The following OSBPL3 variants were observed in gnomAD, a reference collection of about 807,000 sequenced individuals.
OSBPL3 encodes oxysterol binding protein like 3, also known as oxysterol-binding protein-related protein 3.
A neutral mutation model predicts 120.1 loss-of-function variants in OSBPL3; 65 were observed. The ratio of observed to expected loss-of-function variants is 0.54; its 90% confidence interval spans 0.44 to 0.67. The LOEUF is 0.67. OSBPL3 is among the 30% of genes least tolerant of loss of function. OSBPL3 has a pLI of 0.00. For missense variants in OSBPL3, 1,004 were observed against 1,082.1 expected, an observed-to-expected ratio of 0.93 and a Z score of 1.01; for synonymous variants, 416 against 402.6, an observed-to-expected ratio of 1.03 and a Z score of -0.40.
chr7:24,834,065 A>G lies in OSBPL3; in HGVS notation c.1746+421T>C. ...TGGGACAATTCCAGAAATAAACACA[A>G]ACATTCTCAGGGGAAACTTACCCTG... On this transcript the variant is annotated intron_variant, in intron 15 of 22. Transcript: ENST00000313367. The surrounding 1 kb of genome is among the most constrained non-coding windows in gnomAD (Gnocchi z 5.2). The G allele has an allele frequency of 1.0e-6, 1 of 986,256 alleles. No homozygotes were observed. The highest frequency in any genetic ancestry group is 1.2e-6 in the Non-Finnish European group (1 of 829,140). 61.1% of individuals were successfully genotyped at this position (986,256 alleles called of 1,614,324 possible). A position where few individuals can be genotyped will look rare whatever the true frequency, so the allele number is the denominator to read the frequency against.
intron 1 of OSBPL3, among the ~76,000 whole-genome samples, chr7:24,963,994 C>A (rs1353302819): frequency 6.6e-6 from 1 of 151,986 alleles, no homozygotes; most frequent in Non-Finnish European, 1.5e-5. Flanking sequence ...GATACAGGAG[C>A]CAACCGAAAG....
intron 1 of OSBPL3, among the ~76,000 whole-genome samples, chr7:24,907,963 C>T (rs2128406362): frequency 6.6e-6 from 1 of 152,268 alleles, no homozygotes. Context: ...TTATTTATTC[C>T]CATAGGAGAC....
At position 24,817,034 on chromosome 7, in the gene OSBPL3, G is replaced by A. The variant is rs2128132716; in HGVS notation, c.1949-346C>T. ...AATATGCTTGGAGAAAGCATCAGAA[G>A]AGGCTTGTCAGAAAGGGCCATCTAA... On this transcript the variant is annotated intron_variant, in intron 17 of 22. Coordinates refer to ENST00000313367, the MANE Select transcript of OSBPL3 (RefSeq NM_015550.4). This position sits in a 1 kb window ranked among gnomAD's most constrained non-coding sequence, Gnocchi z 4.0. 6.6e-6 allele frequency among the ~76,000 whole-genome samples: 1 copy of A among 152,346 alleles called. No homozygotes were observed. Among genetic ancestry groups the A allele is most frequent in the African/African-American group, 2.4e-5 (1 of 41,584 alleles).
At chr7:24,810,391 C>G (rs1295907485) in intron 19 of OSBPL3, 2 of 154,438 alleles carry the variant, frequency 1.3e-5, no homozygotes, top group African/African-American at 4.8e-5. Flanking sequence ...GGTGTGGTAG[C>G]GCATGCCTGT....
rs772877393 is a variant in OSBPL3 at position 24,863,453 on chromosome 7, C to A, written c.777+43G>T. On this transcript the variant is annotated intron_variant, in intron 8 of 22. Coordinates refer to ENST00000313367, the MANE Select transcript of OSBPL3 (RefSeq NM_015550.4). This position sits in a 1 kb window ranked among gnomAD's most constrained non-coding sequence, Gnocchi z 5.8. Reference sequence around the variant, plus strand: ...GAAAGGCTGGGAGGAGAAAGGAAAGCAGAAGAGGGCCAGAATGTCAACAGA... The same window carrying A: ...GAAAGGCTGGGAGGAGAAAGGAAAGAAGAAGAGGGCCAGAATGTCAACAGA... The A allele has an allele frequency of 2.0e-6, 3 of 1,510,496 alleles. No individual in the cohort carries two copies. In the South Asian group the frequency reaches 3.4e-5, roughly 17 times the overall value. The allele number at this position is 1,510,496 out of a possible 1,614,324, so 93.6% of individuals were successfully genotyped here. A position where few individuals can be genotyped will look rare whatever the true frequency, so the allele number is the denominator to read the frequency against.
At chr7:24,954,373 A>G (rs1814793764) in intron 1 of OSBPL3, among the ~76,000 whole-genome samples, 1 of 152,242 alleles carries the variant, frequency 6.6e-6, no homozygotes, top group Admixed American at 6.5e-5. Context: ...AAATAGCTTT[A>G]AAAGTTCTAT....
rs1816424492 is a variant in OSBPL3 at position 24,966,728 on chromosome 7, C to T, written c.-150+13158G>A. On this transcript the variant is annotated intron_variant, in intron 1 of 22. Coordinates refer to ENST00000313367, the MANE Select transcript of OSBPL3 (RefSeq NM_015550.4). This position sits in a 1 kb window ranked among gnomAD's most constrained non-coding sequence, Gnocchi z 4.8. ...AACCTAATTAGGGTGGAGTTTTACA[C>T]TATGTTTGTGTATATGTATGTTTAT... Among the ~76,000 whole-genome samples the T allele has an allele frequency of 6.6e-6, 1 of 152,164 alleles. No homozygotes were observed. The highest frequency in any genetic ancestry group is 2.4e-5 in the African/African-American group (1 of 41,436).
At position 24,831,080 on chromosome 7, in the gene OSBPL3, G is replaced by C. The variant is rs1796309327; in HGVS notation, c.1747-175C>G. Among the ~76,000 whole-genome samples the C allele has an allele frequency of 6.6e-6, 1 of 152,128 alleles. No individual in the cohort carries two copies. On this transcript the variant is annotated intron_variant, in intron 15 of 22. Transcript: ENST00000313367. This position sits in a 1 kb window ranked among gnomAD's most constrained non-coding sequence, Gnocchi z 4.0. Reference sequence around the variant, plus strand: ...TTGTAGGTTTAAATAATGTTTATCTGGGCCCCAAAACAAATTAACCCAATG... The same window carrying C: ...TTGTAGGTTTAAATAATGTTTATCTCGGCCCCAAAACAAATTAACCCAATG...
intron 14 of OSBPL3, among the ~76,000 whole-genome samples, chr7:24,840,456 C>T (rs1027365830): frequency 1.3e-5 from 2 of 152,222 alleles, no homozygotes; most frequent in Non-Finnish European, 2.9e-5. Flanking sequence ...AATTTTCTTT[C>T]CTCTAGCTTA....
chr7:24,870,532 G>T lies in OSBPL3; in HGVS notation c.381+200C>A, dbSNP rs181983614. On this transcript the variant is annotated intron_variant, in intron 5 of 22. Coordinates refer to ENST00000313367, the MANE Select transcript of OSBPL3 (RefSeq NM_015550.4). ...TCGTATCTAGGGGATGAGGCGACCA[G>T]CAGGCTAAACCCTCAAGCAGTGTTG... 3.3e-5 allele frequency among the ~76,000 whole-genome samples: 5 copies of T among 152,316 alleles called. No homozygotes were observed. The East Asian group carries it at 9.6e-4, about 29-fold the overall frequency.
intron 2 of OSBPL3, among the ~76,000 whole-genome samples, chr7:24,878,887 T>C (rs1037123396): frequency 5.3e-5 from 8 of 152,198 alleles, no homozygotes; most frequent in African/African-American, 1.9e-4. Context: ...CAGATGAGGC[T>C]ATCACTGCTG....
rs915870169 is a variant in OSBPL3, at chr7:24,952,300, C to G, written c.-150+27586G>C. On this transcript the variant is annotated intron_variant, in intron 1 of 22. Coordinates refer to ENST00000313367, the MANE Select transcript of OSBPL3 (RefSeq NM_015550.4). The surrounding 1 kb of genome is among the most constrained non-coding windows in gnomAD (Gnocchi z 4.4). ...AGAAGCTAAGCACAACATAAATAGTCCAACTTTTTATTTTAAGGACAGAGA... is the reference window on the plus strand; with the variant it reads ...AGAAGCTAAGCACAACATAAATAGTGCAACTTTTTATTTTAAGGACAGAGA... Among the ~76,000 whole-genome samples, 1 of 152,130 alleles carries G rather than the reference C, an allele frequency of 6.6e-6. No individual in the cohort carries two copies. Among genetic ancestry groups the G allele is most frequent in the Non-Finnish European group, 1.5e-5 (1 of 68,026 alleles).
At chr7:24,919,901 C>T (rs924849384) in intron 1 of OSBPL3, among the ~76,000 whole-genome samples, 1 of 151,744 alleles carries the variant, frequency 6.6e-6, no homozygotes, top group Non-Finnish European at 1.5e-5. Context: ...CCAATAAGCA[C>T]ATGAAAAGAT....
rs1202962836 is a variant in OSBPL3, at chr7:24,816,607, TAC to T, written c.2027+1_2027+2del. 6.2e-7 allele frequency: 1 copy of T among 1,606,752 alleles called. No individual in the cohort carries two copies. Among genetic ancestry groups the T allele is most frequent in the Non-Finnish European group, 8.5e-7 (1 of 1,173,348 alleles). On this transcript the variant is annotated splice_donor_variant, in intron 18 of 22. Transcript: ENST00000313367. LOFTEE classifies it high-confidence loss of function. ...GCTCCTTAACCACAGAAGAAGAACT[TAC>T]ACTGGCAGAGTCACATGGGTTGTGC... is the stretch of plus-strand genomic sequence containing the variant.
chr7:24,815,114 A>G lies in OSBPL3; in HGVS notation c.2117T>C (p.Ile706Thr), dbSNP rs1172646238. Residue 706 changes from isoleucine to threonine, a missense_variant, in exon 19 of 23, where the codon ATT becomes ACT. By Grantham distance (89) the Ile-to-Thr change is moderately conservative. Coordinates refer to ENST00000313367, the MANE Select transcript of OSBPL3 (RefSeq NM_015550.4). The surrounding 1 kb of genome is among the most constrained non-coding windows in gnomAD (Gnocchi z 5.1). ...ATCATCATGCAGGTTCTTGATGACA[A>G]TCTCTCCATAGTGCTCAATCCACCT... is the stretch of plus-strand genomic sequence containing the variant. ...GQRWIEHYGEIVIKNLHDDSC... is the reference protein window; with the variant it reads ...GQRWIEHYGETVIKNLHDDSC... 2 of 1,613,388 alleles carry G rather than the reference A, an allele frequency of 1.2e-6. No individual in the cohort carries two copies. The highest frequency in any genetic ancestry group is 2.2e-5 in the East Asian group (1 of 44,892).
Position 24,940,470 on chromosome 7 carries a change from AG to A in OSBPL3, c.-150+39415del, listed in dbSNP as rs926185158. Among the ~76,000 whole-genome samples, 4 of 152,196 alleles carry A rather than the reference AG, an allele frequency of 2.6e-5. No homozygotes were observed. Among genetic ancestry groups the A allele is most frequent in the African/African-American group, 9.7e-5 (4 of 41,434 alleles). ...AGAGTAAAGACCAGACAGGCTGAACAGGGTGCAGATCAGGGAATAAATTCAC... is the reference window on the plus strand; with the variant it reads ...AGAGTAAAGACCAGACAGGCTGAACAGGTGCAGATCAGGGAATAAATTCAC... On this transcript the variant is annotated intron_variant, in intron 1 of 22. Coordinates refer to ENST00000313367, the MANE Select transcript of OSBPL3 (RefSeq NM_015550.4). The surrounding 1 kb of genome is among the most constrained non-coding windows in gnomAD (Gnocchi z 4.4).
In OSBPL3 at chr7:24,830,911, G is replaced by A. The variant is rs1342166420; in HGVS notation, c.1747-6C>T. On this transcript the variant is annotated splice_region_variant and splice_polypyrimidine_tract_variant and intron_variant, in intron 15 of 22. Coordinates refer to ENST00000313367, the MANE Select transcript of OSBPL3 (RefSeq NM_015550.4). This position sits in a 1 kb window ranked among gnomAD's most constrained non-coding sequence, Gnocchi z 4.4. ...GCAAAGGCTGCCACATATACCTAAG[G>A]ACAAGAGAAAAGAACTTTGTCATTT... The A allele has an allele frequency of 6.3e-7, 1 of 1,587,720 alleles. No individual in the cohort carries two copies. The highest frequency in any genetic ancestry group is 1.2e-5 in the South Asian group (1 of 85,652).
rs1035414743 is a variant in OSBPL3, at chr7:24,877,290, T to C, written c.97-5221A>G. Among the ~76,000 whole-genome samples the C allele has an allele frequency of 5.9e-5, 9 of 152,138 alleles. No individual in the cohort carries two copies. The highest frequency in any genetic ancestry group is 9.7e-5 in the African/African-American group (4 of 41,414). On this transcript the variant is annotated intron_variant, in intron 2 of 22. Coordinates refer to ENST00000313367, the MANE Select transcript of OSBPL3 (RefSeq NM_015550.4). This position sits in a 1 kb window ranked among gnomAD's most constrained non-coding sequence, Gnocchi z 4.8. ...GCAGTATGGATGGAGGCAAGTAAGG[T>C]CTTCAACCCTGCTCAGAGATAGCTA...
At chr7:24,844,008 C>G (rs567654807) in intron 12 of OSBPL3, among the ~76,000 whole-genome samples, 52 of 152,348 alleles carry the variant, frequency 3.4e-4, no homozygotes, top group African/African-American at 1.2e-3. Flanking sequence ...TCCTCCTAGA[C>G]TGATGGGTCC....
Sources: allele counts gnomAD v4.1 joint callset (sites outside exome capture counted in the v4.1 genomes callset), GRCh38; gene constraint gnomAD v4.1.1; non-coding constraint Gnocchi (gnomAD v3.1); transcripts MANE v1.5; gene names NCBI Gene and HGNC (gene_info 2026-07-23, HGNC 2026-07-21).